Variants in SP110 observed in about 807,000 individuals in gnomAD.
SP110 encodes the protein interferon-induced protein 41, 30kD.
In SP110, 62 loss-of-function variants were observed where a neutral mutation model predicts 92.7. The ratio of observed to expected loss-of-function variants is 0.67; its 90% confidence interval spans 0.55 to 0.83. The LOEUF (loss-of-function observed/expected upper bound fraction) is 0.83, where lower values mean the gene tolerates loss of function less well. SP110 is among the 40% of genes least tolerant of loss of function. The probability of loss-of-function intolerance (pLI) is 0.00; values close to 1 mark genes in which losing one functional copy is unlikely to be tolerated. For synonymous variants in SP110, 273 were observed against 305.3 expected (o/e 0.89, Z 1.10); for missense variants, 793 against 863.9 (o/e 0.92, Z 1.03).
intron 12 of SP110, among the ~76,000 whole-genome samples, chr2:230,183,158 G>A (rs921551740): frequency 6.6e-6 from 1 of 152,200 alleles, no homozygotes; most frequent in Non-Finnish European, 1.5e-5. Context: ...AAAGAGGGCC[G>A]AGGGTGCAGA....
chr2:230,181,193 G>T (rs1204848204), intron 12 of SP110, among the ~76,000 whole-genome samples: 2 of 152,218 alleles, frequency 1.3e-5, no homozygotes, highest in Non-Finnish European at 2.9e-5. Flanking sequence ...AGGCAGAAAA[G>T]GGTTTGGTTT....
chr2:230,224,575 T>C (rs2046109595), upstream of SP110, among the ~76,000 whole-genome samples: 1 of 151,562 alleles, frequency 6.6e-6, no homozygotes, highest in Non-Finnish European at 1.5e-5. Flanking sequence ...TCATCAGTGT[T>C]CTAGAGTTTG....
intron 1 of SP110, 68 bp downstream of exon 1, chr2:230,219,806 C>T (rs2045638825): frequency 7.3e-6 from 4 of 547,500 alleles, no homozygotes; most frequent in Non-Finnish European, 7.0e-6. Flanking sequence ...CAGCTGCTGC[C>T]GCGAAGTTAA....
intron 14 of SP110, among the ~76,000 whole-genome samples, chr2:230,175,799 G>A (rs185698473): frequency 6.6e-6 from 1 of 152,240 alleles, no homozygotes; most frequent in South Asian, 2.1e-4. Context: ...CAGTTCAAAG[G>A]CGTCATTCCA....
chr2:230,197,717 T>C (rs1483946360), intron 10 of SP110, among the ~76,000 whole-genome samples: 1 of 152,150 alleles, frequency 6.6e-6, no homozygotes, highest in African/African-American at 2.4e-5. Flanking sequence ...AATTAATTTT[T>C]GTATAAGGTG....
intron 10 of SP110, among the ~76,000 whole-genome samples, chr2:230,197,992 T>G (rs1467001126): frequency 6.6e-6 from 1 of 152,214 alleles, no homozygotes; most frequent in East Asian, 1.9e-4. Flanking sequence ...ATTAGGAATA[T>G]TGTATCACAC....
Position 230,169,034 on chromosome 2 carries a change from A to C in SP110, c.*90T>G. The C allele has an allele frequency of 2.3e-6, 2 of 870,364 alleles. No homozygotes were observed. The allele number at this position is 870,364 out of a possible 1,614,324, so 53.9% of individuals were successfully genotyped here. ...TTGGGTCCTGAGGGCAGCCAATTACATCCCAGACTCACTGGCAATCAACAG... is the reference window on the plus strand; with the variant it reads ...TTGGGTCCTGAGGGCAGCCAATTACCTCCCAGACTCACTGGCAATCAACAG... On this transcript the variant is annotated 3_prime_UTR_variant, in exon 19 of 19. Coordinates refer to ENST00000258381, the MANE Select transcript of SP110 (RefSeq NM_080424.4).
chr2:230,218,619 C>T (rs2045494518), intron 1 of SP110, among the ~76,000 whole-genome samples: 1 of 152,114 alleles, frequency 6.6e-6, no homozygotes, highest in Admixed American at 6.5e-5. Flanking sequence ...TCTAGAGCTT[C>T]CTCATTCTTC....
intron 14 of SP110, among the ~76,000 whole-genome samples, chr2:230,174,592 A>G (rs1238892443): frequency 6.6e-6 from 1 of 152,130 alleles, no homozygotes; most frequent in Admixed American, 6.5e-5. Context: ...GCCTCACACT[A>G]TATGCTGATA....
At chr2:230,212,035 CT>C (rs1002277790) in intron 5 of SP110, among the ~76,000 whole-genome samples, 1 of 152,096 alleles carries the variant, frequency 6.6e-6, no homozygotes, top group Non-Finnish European at 1.5e-5. Flanking sequence ...TAACATTGTT[CT>C]TAGAATCCAA....
chr2:230,219,221 T>C (rs1202814989), intron 1 of SP110, among the ~76,000 whole-genome samples: 1 of 152,230 alleles, frequency 6.6e-6, no homozygotes, highest in Non-Finnish European at 1.5e-5. Flanking sequence ...CGAGACTCCG[T>C]CTCAGAAAAC....
chr2:230,180,601 G>A (rs928136313), intron 12 of SP110, among the ~76,000 whole-genome samples: 17 of 152,154 alleles, frequency 1.1e-4, no homozygotes, highest in African/African-American at 2.7e-4. Context: ...GAGAATTGCC[G>A]GTGGTCACCA....
At chr2:230,223,204 T>G (rs1293279208), upstream of SP110, among the ~76,000 whole-genome samples, 2 of 152,014 alleles carry the variant, frequency 1.3e-5, no homozygotes, top group Non-Finnish European at 2.9e-5. Flanking sequence ...ACCTGGCTAA[T>G]TTTTGTATTT....
chr2:230,185,208 C>A (rs963154095), intron 11 of SP110, among the ~76,000 whole-genome samples: 3 of 152,188 alleles, frequency 2.0e-5, no homozygotes, highest in Non-Finnish European at 4.4e-5. Context: ...AGAAAGAAGA[C>A]AAAGGGGCTC....
chr2:230,201,209 T>C (rs1256284840), intron 9 of SP110, among the ~76,000 whole-genome samples: 1 of 152,236 alleles, frequency 6.6e-6, no homozygotes, highest in East Asian at 1.9e-4. Context: ...ACATCCACAG[T>C]GGGGTGCAGC....
intron 10 of SP110, among the ~76,000 whole-genome samples, chr2:230,188,893 G>C (rs566535107): frequency 7.9e-5 from 12 of 152,036 alleles, no homozygotes; most frequent in African/African-American, 2.9e-4. Flanking sequence ...TTTGTTATTG[G>C]TCTGTTCATG....
chr2:230,211,540 G>T lies in SP110; in HGVS notation c.681C>A (p.Asn227Lys). The T allele has an allele frequency of 6.2e-7, 1 of 1,606,474 alleles. No individual in the cohort carries two copies. Among genetic ancestry groups the T allele is most frequent in the Non-Finnish European group, 8.5e-7 (1 of 1,173,000 alleles). ...CTTTATCTCTTATTTGGGGGATCAG[G>T]TTGTCACTGGCCACTGAATGGAGGA... ...LTSTVQVASD[N>K]LIPQIRDKED... Residue 227 changes from asparagine to lysine, a missense_variant, in exon 6 of 19, where the codon AAC (asparagine) becomes AAA (lysine). Asn to Lys is a moderately conservative substitution (Grantham distance 94, BLOSUM62 0). Coordinates refer to ENST00000258381, the MANE Select transcript of SP110 (RefSeq NM_080424.4). This position sits in a 1 kb window ranked among gnomAD's most constrained non-coding sequence, Gnocchi z 4.2.
At chr2:230,205,139 C>T (rs955796698) in intron 8 of SP110, among the ~76,000 whole-genome samples, 5 of 152,070 alleles carry the variant, frequency 3.3e-5, no homozygotes, top group African/African-American at 9.7e-5. Flanking sequence ...GAGGGTGAAC[C>T]AATAGACCTT....
chr2:230,200,641 G>A (rs73000367), intron 10 of SP110: 68,619 of 548,782 alleles, frequency 0.13, 5,211 homozygotes, highest in South Asian at 0.26. Context: ...CTTGAGTGCT[G>A]AGAAAAATCT....
Sources: allele counts gnomAD v4.1 joint callset (sites outside exome capture counted in the v4.1 genomes callset), GRCh38; gene constraint gnomAD v4.1.1; non-coding constraint Gnocchi (gnomAD v3.1); transcripts MANE v1.5; gene names NCBI Gene and HGNC (gene_info 2026-07-23, HGNC 2026-07-21).